The following SPIDR variants were observed in gnomAD, a reference collection of about 807,000 sequenced individuals.
The protein encoded by SPIDR is DNA repair-scaffolding protein.
Under a neutral mutation model 104.6 loss-of-function variants are expected in SPIDR, and 93 were observed. The observed-to-expected ratio is 0.89, with a 90% CI of 0.75 to 1.06. The LOEUF is 1.06. SPIDR is among the 50% of genes least tolerant of loss of function. The pLI is 0.00. For missense variants in SPIDR, 1,154 were observed against 1,111.2 expected (o/e 1.04, Z -0.55); for synonymous variants, 431 against 416.9 (o/e 1.03, Z -0.41).
chr8:47,555,771 A>G (rs908188343), intron 8 of SPIDR, among the ~76,000 whole-genome samples: 2 of 152,226 alleles, frequency 1.3e-5, no homozygotes, highest in Admixed American at 6.5e-5. Flanking sequence ...ATGGGTATCA[A>G]GCCACTCTGT....
At chr8:47,731,788 G>A (rs577934448) in intron 19 of SPIDR, among the ~76,000 whole-genome samples, 2 of 152,348 alleles carry the variant, frequency 1.3e-5, no homozygotes, top group South Asian at 4.1e-4. Flanking sequence ...GCAGTGCCCA[G>A]AAAGGGGGGA....
intron 3 of SPIDR, 43 bp downstream of exon 3, chr8:47,284,137 A>T (rs2038347495): frequency 1.4e-6 from 2 of 1,472,308 alleles, no homozygotes; most frequent in African/African-American, 1.4e-5. Context: ...ATATAAGACT[A>T]ATAAATCCTT....
intron 10 of SPIDR, among the ~76,000 whole-genome samples, chr8:47,667,207 G>A (rs1589003102): frequency 1.3e-5 from 2 of 151,992 alleles, no homozygotes; most frequent in African/African-American, 4.8e-5. Context: ...CTTGAACCTG[G>A]GAGGCAGAGG....
chr8:47,523,823 A>G (rs935474322), intron 8 of SPIDR, among the ~76,000 whole-genome samples: 1 of 152,240 alleles, frequency 6.6e-6, no homozygotes, highest in African/African-American at 2.4e-5. Flanking sequence ...ATGCACCATT[A>G]CATAACCCAG....
chr8:47,619,194 G>T (rs2064776604), intron 10 of SPIDR, among the ~76,000 whole-genome samples: 1 of 152,192 alleles, frequency 6.6e-6, no homozygotes. Flanking sequence ...AGTTGATCTT[G>T]TGTGCTCTGA....
intron 1 of SPIDR, among the ~76,000 whole-genome samples, chr8:47,263,691 ACTTT>A (rs1353623136): frequency 3.4e-5 from 5 of 144,966 alleles, no homozygotes; most frequent in Non-Finnish European, 7.6e-5. Flanking sequence ...CTATAAATGA[ACTTT>A]CTTCTGTATG....
At chr8:47,571,666 A>G (rs759064543) in intron 8 of SPIDR, among the ~76,000 whole-genome samples, 7 of 152,218 alleles carry the variant, frequency 4.6e-5, no homozygotes, top group African/African-American at 1.4e-4. Flanking sequence ...ATATATTCCA[A>G]TACCTCCAGT....
chr8:47,565,241 C>T (rs1057158150), intron 8 of SPIDR, among the ~76,000 whole-genome samples: 3 of 151,962 alleles, frequency 2.0e-5, no homozygotes, highest in Non-Finnish European at 4.4e-5. Context: ...GGTGAAATTC[C>T]GTCTCAAAAA....
intron 10 of SPIDR, chr8:47,654,148 A>G: frequency 7.8e-7 from 1 of 1,289,882 alleles, no homozygotes; most frequent in Non-Finnish European, 1.0e-6. Flanking sequence ...TTCTCTGGCC[A>G]GGTGAGTGAC....
intron 2 of SPIDR, among the ~76,000 whole-genome samples, chr8:47,283,498 A>G (rs1311603291): frequency 6.6e-6 from 1 of 152,240 alleles, no homozygotes; most frequent in African/African-American, 2.4e-5. Flanking sequence ...AATATGACAC[A>G]GAGACACAAG....
intron 1 of SPIDR, among the ~76,000 whole-genome samples, chr8:47,269,332 G>C (rs957833899): frequency 6.6e-6 from 1 of 151,444 alleles, no homozygotes; most frequent in African/African-American, 2.4e-5. Context: ...ATCTCAGCTC[G>C]CTGCAACCTC....
At chr8:47,560,661 T>A (rs1007398256) in intron 8 of SPIDR, among the ~76,000 whole-genome samples, 68 of 152,222 alleles carry the variant, frequency 4.5e-4, no homozygotes, top group African/African-American at 1.6e-3. Flanking sequence ...TTTTACTTTT[T>A]TTATTTTTCT....
intron 6 of SPIDR, among the ~76,000 whole-genome samples, chr8:47,405,786 A>C (rs1355357034): frequency 2.0e-5 from 3 of 152,176 alleles, no homozygotes; most frequent in African/African-American, 7.2e-5. Context: ...GGTATGACTT[A>C]ATTTTTTTTA....
At chr8:47,702,170 T>A (rs1563598315) in intron 14 of SPIDR, among the ~76,000 whole-genome samples, 155 bp downstream of exon 14, 1 of 151,420 alleles carries the variant, frequency 6.6e-6, no homozygotes. Context: ...TAATCTCCTT[T>A]GGAAATTAAT....
chr8:47,291,881 A>G (rs2039968845), intron 4 of SPIDR, among the ~76,000 whole-genome samples: 4 of 152,306 alleles, frequency 2.6e-5, no homozygotes, highest in East Asian at 1.9e-4. Context: ...TGTTTTAGAC[A>G]ATTGAAAGCA....
At chr8:47,630,375 T>A (rs940231608) in intron 10 of SPIDR, among the ~76,000 whole-genome samples, 2 of 152,176 alleles carry the variant, frequency 1.3e-5, no homozygotes, top group African/African-American at 4.8e-5. Flanking sequence ...AAGCTCAAAA[T>A]TCCGGTGCCA....
chr8:47,534,819 A>G (rs1303960544), intron 8 of SPIDR, among the ~76,000 whole-genome samples: 1 of 152,100 alleles, frequency 6.6e-6, no homozygotes, highest in Non-Finnish European at 1.5e-5. Flanking sequence ...AATTAATGAA[A>G]TCGAAAACAG....
At chr8:47,302,432 T>C (rs2042261910) in intron 5 of SPIDR, among the ~76,000 whole-genome samples, 1 of 152,124 alleles carries the variant, frequency 6.6e-6, no homozygotes. Flanking sequence ...TCTGAAGCCT[T>C]CTTCTCTCAA....
chr8:47,511,653 C>T, intron 8 of SPIDR: 1 of 811,198 alleles, frequency 1.2e-6, no homozygotes, highest in Non-Finnish European at 2.2e-6. Flanking sequence ...CATAAGCAGA[C>T]TCTTCCTCTG....
Sources: gnomAD v4.1 joint callset for allele counts (sites outside exome capture counted in the v4.1 genomes callset) on GRCh38, gnomAD v4.1.1 for gene constraint, MANE v1.5 for transcripts, NCBI Gene and HGNC (gene_info 2026-07-23, HGNC 2026-07-21) for gene names.